C1QTNF7: variants seen among roughly 807,000 people sequenced by gnomAD.
C1QTNF7 encodes the protein C1q and TNF related 7.
In C1QTNF7, 15 loss-of-function variants were observed where a neutral mutation model predicts 19.6. The ratio of observed to expected loss-of-function variants is 0.76; its 90% CI spans 0.51 to 1.18. The LOEUF (loss-of-function observed/expected upper bound fraction) is 1.18, where lower values mean the gene tolerates loss of function less well. Ranked by LOEUF, C1QTNF7 falls within the 50% of genes most tolerant of loss-of-function variation. The pLI is 0.00. For missense variants in C1QTNF7, 324 were observed against 359.7 expected (o/e 0.90, Z 0.80); for synonymous variants, 142 against 137.5 (o/e 1.03, Z -0.23).
intron 1 of C1QTNF7, chr4:15,340,325 A>C: frequency 1.6e-6 from 2 of 1,253,756 alleles, no homozygotes; most frequent in Non-Finnish European, 1.1e-6. Flanking sequence ...AACTTGTAAA[A>C]ATATGTCAAC....
chr4:15,386,188 G>T (rs1718330044), intron 1 of C1QTNF7, among the ~76,000 whole-genome samples: 1 of 152,178 alleles, frequency 6.6e-6, no homozygotes, highest in Admixed American at 6.5e-5. Context: ...GGAGTTTGTG[G>T]CCAAAGCTCC....
chr4:15,415,183 A>G (rs1719553196), intron 1 of C1QTNF7, among the ~76,000 whole-genome samples: 1 of 152,238 alleles, frequency 6.6e-6, no homozygotes, highest in Non-Finnish European at 1.5e-5. Context: ...GAGAAAGCAC[A>G]GAAGGAGAGA....
At position 15,445,420 on chromosome 4, in the gene C1QTNF7, C is replaced by G. The variant is rs1011372155; in HGVS notation, c.*2621C>G. 3 of 152,222 alleles carry G rather than the reference C, an allele frequency of 2.0e-5. No homozygotes were observed. The highest frequency in any genetic ancestry group is 4.4e-5 in the Non-Finnish European group (3 of 68,030). The allele number at this position is 152,222 out of a possible 1,614,324, so 9.4% of individuals were successfully genotyped here. A position where few individuals can be genotyped will look rare whatever the true frequency, so the allele number is the denominator to read the frequency against. On this transcript the variant is annotated 3_prime_UTR_variant, in exon 3 of 3. Coordinates refer to ENST00000444304, the MANE Select transcript of C1QTNF7 (RefSeq NM_031911.5). ...AAAATTTTCTTCTGATCGTAATCCA[C>G]GAATGCATTCATTTTTTGGACATTG...
chr4:15,408,665 A>G (rs969717342), intron 1 of C1QTNF7, among the ~76,000 whole-genome samples: 1 of 152,292 alleles, frequency 6.6e-6, no homozygotes, highest in East Asian at 1.9e-4. Context: ...TCTCAGCCCC[A>G]AAGAAGGCTC....
At position 15,360,228 on chromosome 4, in the gene C1QTNF7, C is replaced by T. The variant is rs1177536127; in HGVS notation, c.13+20021C>T. 2.6e-5 allele frequency among the ~76,000 whole-genome samples: 4 copies of T among 152,020 alleles called. No homozygotes were observed. The South Asian group carries it at 8.3e-4, about 32-fold the overall frequency. ...AGTTGGGTTCTATGGGTAAACTAAC[C>T]CATCGATCTTTTAAAAATACATACA... On this transcript the variant is annotated intron_variant, in intron 1 of 2. Transcript: ENST00000295297.
At chr4:15,353,972 T>G (rs1287011646) in intron 1 of C1QTNF7, among the ~76,000 whole-genome samples, 1 of 152,146 alleles carries the variant, frequency 6.6e-6, no homozygotes, top group Non-Finnish European at 1.5e-5. Context: ...GAATGTGTTG[T>G]GGGAATCCAC....
rs191193492 is a variant in C1QTNF7 at position 15,340,254 on chromosome 4, C to T, written c.13+47C>T. 1.4e-4 allele frequency: 214 copies of T among 1,545,814 alleles called. No individual in the cohort carries two copies. The African/African-American group carries it at 2.5e-3, about 18-fold the overall frequency. ...AGTTTTTCTCTTTTTCCCTCCTATTCGGCCTTCATCAAAATATTTCCTGGG... is the reference window on the plus strand; with the variant it reads ...AGTTTTTCTCTTTTTCCCTCCTATTTGGCCTTCATCAAAATATTTCCTGGG... On this transcript the variant is annotated intron_variant, in intron 1 of 2. Coordinates refer to the C1QTNF7 transcript ENST00000295297.
intron 1 of C1QTNF7, among the ~76,000 whole-genome samples, chr4:15,422,201 G>GTT (rs577106584): frequency 9.5e-6 from 1 of 105,720 alleles, no homozygotes; most frequent in African/African-American, 3.9e-5. Flanking sequence ...TAATAAACCT[G>GTT]TTTTTTTTTA....
At chr4:15,340,107 C>A (rs973524292) in exon 1 of C1QTNF7, 5 of 1,426,990 alleles carry the variant, frequency 3.5e-6, no homozygotes, top group South Asian at 1.2e-5. Flanking sequence ...ACACATATTT[C>A]TGCTTTAAAT....
chr4:15,440,631 C>A (rs960321637), intron 2 of C1QTNF7, among the ~76,000 whole-genome samples: 3 of 152,014 alleles, frequency 2.0e-5, no homozygotes, highest in South Asian at 2.1e-4. Flanking sequence ...TGGTCTTGAT[C>A]TGCGGACCTC....
At chr4:15,354,382 CAT>C (rs1353942533) in intron 1 of C1QTNF7, among the ~76,000 whole-genome samples, 1 of 152,068 alleles carries the variant, frequency 6.6e-6, no homozygotes, top group Non-Finnish European at 1.5e-5. Flanking sequence ...TTGAGACAGA[CAT>C]GTGGAAAGCA....
Position 15,410,256 on chromosome 4 carries a change from T to C in C1QTNF7, c.14-25480T>C, listed in dbSNP as rs1014761231. Among the ~76,000 whole-genome samples, 7 of 152,328 alleles carry C rather than the reference T, an allele frequency of 4.6e-5. No individual in the cohort carries two copies. In the South Asian group the frequency reaches 1.0e-3, roughly 23 times the overall value. ...TAATTTTTTTTCTTAGAGATGTAAA[T>C]AATTATGTTACTAAATATATGGGAA... is the stretch of plus-strand genomic sequence containing the variant. On this transcript the variant is annotated intron_variant, in intron 1 of 2. Coordinates refer to the C1QTNF7 transcript ENST00000295297.
chr4:15,361,146 G>T (rs932019466), intron 1 of C1QTNF7: 2 of 152,120 alleles, frequency 1.3e-5, no homozygotes, highest in African/African-American at 4.8e-5. Context: ...TGGGACACCA[G>T]ACTTCACAAA....
At chr4:15,404,487 T>C (rs1238116031) in intron 1 of C1QTNF7, among the ~76,000 whole-genome samples, 1 of 152,228 alleles carries the variant, frequency 6.6e-6, no homozygotes, top group African/African-American at 2.4e-5. Flanking sequence ...ATAAAGTATT[T>C]AGAATACAGC....
At chr4:15,360,609 C>T (rs1212439550) in intron 1 of C1QTNF7, among the ~76,000 whole-genome samples, 1 of 152,006 alleles carries the variant, frequency 6.6e-6, no homozygotes. Context: ...AAATCACCAA[C>T]AAAAAGTACA....
At chr4:15,424,002 A>G (rs532980358), upstream of C1QTNF7, among the ~76,000 whole-genome samples, 5 of 152,362 alleles carry the variant, frequency 3.3e-5, no homozygotes, top group Admixed American at 3.3e-4. Flanking sequence ...TGTCCTTAAT[A>G]TGAAATGAAT....
chr4:15,374,081 G>A (rs1182302562), intron 1 of C1QTNF7: 1 of 152,168 alleles, frequency 6.6e-6, no homozygotes, highest in Non-Finnish European at 1.5e-5. Flanking sequence ...TTAAAAGATC[G>A]AGAGTCAGAT....
At chr4:15,429,816 G>T (rs1712227931) in intron 1 of C1QTNF7, among the ~76,000 whole-genome samples, 1 of 152,106 alleles carries the variant, frequency 6.6e-6, no homozygotes. Context: ...ATATCATATG[G>T]TAATTCTCTT....
chr4:15,419,758 T>C (rs1021756274), intron 1 of C1QTNF7, among the ~76,000 whole-genome samples: 2 of 152,090 alleles, frequency 1.3e-5, no homozygotes, highest in Non-Finnish European at 2.9e-5. Context: ...AAAAAGTGTA[T>C]ATACTATGAA....
Sources: gnomAD v4.1 joint callset for allele counts (sites outside exome capture counted in the v4.1 genomes callset) on GRCh38, gnomAD v4.1.1 for gene constraint, MANE v1.5 for transcripts, NCBI Gene and HGNC (gene_info 2026-07-23, HGNC 2026-07-21) for gene names.